The following SLC26A5 variants were observed in gnomAD, a reference collection of about 807,000 sequenced individuals.
The protein encoded by SLC26A5 is prestin.
A neutral mutation model predicts 81.0 loss-of-function variants in SLC26A5; 51 were observed. That is an observed-to-expected ratio of 0.63 (90% CI 0.50 to 0.80). SLC26A5 has a LOEUF of 0.80. Among genes scored for constraint, SLC26A5 ranks in the 30% least tolerant of loss-of-function variants. The pLI is 0.00. For synonymous variants in SLC26A5, 325 were observed against 332.8 expected (o/e 0.98, Z 0.25); for missense variants, 771 against 905.8 (o/e 0.85, Z 1.91).
Position 103,377,636 on chromosome 7 carries a change from T to C in SLC26A5, c.1949A>G (p.Asn650Ser). 6.2e-7 allele frequency: 1 copy of C among 1,614,080 alleles called. No individual in the cohort carries two copies. Among genetic ancestry groups the C allele is most frequent in the Non-Finnish European group, 8.5e-7 (1 of 1,179,998 alleles). ...TTTCACTCCAACAGAATCAATAAAA[T>C]TGACTTGAGTGAAATCCAAAATGAC... ...HTVILDFTQVNFIDSVGVKTL... is the reference protein window; with the variant it reads ...HTVILDFTQVSFIDSVGVKTL... Residue 650 changes from asparagine (N) to serine (S), a missense_variant, in exon 18 of 20, where the codon AAT becomes AGT. Transcript: ENST00000306312.
intron 19 of SLC26A5, among the ~76,000 whole-genome samples, chr7:103,353,248 T>G (rs1819827962): frequency 6.6e-6 from 1 of 152,176 alleles, no homozygotes; most frequent in African/African-American, 2.4e-5. Flanking sequence ...GAATAGCATT[T>G]GTTGGATTGC....
At chr7:103,368,541 A>T (rs1820843724) in intron 19 of SLC26A5, 1 of 152,454 alleles carries the variant, frequency 6.6e-6, no homozygotes, top group Admixed American at 6.5e-5. Context: ...GCGTATGACC[A>T]CATGCATTAT....
At chr7:103,402,110 G>A (rs1208423385) in intron 8 of SLC26A5, among the ~76,000 whole-genome samples, 1 of 152,088 alleles carries the variant, frequency 6.6e-6, no homozygotes, top group African/African-American at 2.4e-5. Flanking sequence ...TTTTTCTATT[G>A]TTTGGAATAG....
rs1019351878 is a variant in SLC26A5 at position 103,412,984 on chromosome 7, T to A, written c.403+18A>T. 2.0e-6 allele frequency: 3 copies of A among 1,484,358 alleles called. No individual in the cohort carries two copies. Among genetic ancestry groups the A allele is most frequent in the Non-Finnish European group, 2.8e-6 (3 of 1,062,130 alleles). The allele number at this position is 1,484,358 out of a possible 1,614,324, so 91.9% of individuals were successfully genotyped here. A position where few individuals can be genotyped will look rare whatever the true frequency, so the allele number is the denominator to read the frequency against. On this transcript the variant is annotated intron_variant, in intron 5 of 19. Transcript: ENST00000306312. ...ATACACAAGGAAAGGTAATAGAATA[T>A]CAAATGTAAGCTTTTACCTATGGAT...
At chr7:103,368,830 C>T (rs1249067589) in intron 19 of SLC26A5, 2 of 152,170 alleles carry the variant, frequency 1.3e-5, no homozygotes, top group Non-Finnish European at 2.9e-5. Context: ...TGATTACTTT[C>T]ATTTTACAAA....
intron 8 of SLC26A5, among the ~76,000 whole-genome samples, chr7:103,406,165 G>C (rs1246591324): frequency 6.6e-6 from 1 of 152,168 alleles, no homozygotes; most frequent in African/African-American, 2.4e-5. Context: ...CCTGCCTTTA[G>C]CCCCCTTTCC....
chr7:103,385,763 C>G (rs1460220004), intron 14 of SLC26A5, among the ~76,000 whole-genome samples: 11 of 137,658 alleles, frequency 8.0e-5, no homozygotes, highest in Non-Finnish European at 1.4e-4. Context: ...CGCAGGAGTG[C>G]CATCTCAGCT....
intron 2 of SLC26A5, 64 bp from the exon 3 acceptor site, chr7:103,421,631 A>G: frequency 1.8e-6 from 2 of 1,124,310 alleles, no homozygotes; most frequent in Non-Finnish European, 2.6e-6. Context: ...TTTCCTAAGC[A>G]TCTCTTCTTT....
intron 3 of SLC26A5, 143 bp from the exon 4 acceptor site, chr7:103,421,020 G>GTGATTCAAGAT: frequency 1.1e-6 from 1 of 886,314 alleles, no homozygotes; most frequent in South Asian, 1.5e-5. Context: ...TGCCAAACAG[G>GTGATTCAAGAT]GTAGGAGTCA....
At chr7:103,440,873 T>C (rs1011033419) in intron 2 of SLC26A5, among the ~76,000 whole-genome samples, 1 of 152,220 alleles carries the variant, frequency 6.6e-6, no homozygotes. Context: ...CAACCTAAGC[T>C]GTGATTTAGA....
chr7:103,414,404 TAGGCTC>T (rs1824751886), intron 4 of SLC26A5, among the ~76,000 whole-genome samples: 1 of 151,982 alleles, frequency 6.6e-6, no homozygotes, highest in Non-Finnish European at 1.5e-5. Context: ...CTTGAACTCC[TAGGCTC>T]AGGCGATCTG....
At chr7:103,366,278 C>A in intron 19 of SLC26A5, 1 of 893,488 alleles carries the variant, frequency 1.1e-6, no homozygotes, top group Non-Finnish European at 1.8e-6. Flanking sequence ...CTTCTATGAG[C>A]TCTGAAACAG....
intron 2 of SLC26A5, among the ~76,000 whole-genome samples, chr7:103,437,265 A>G (rs1826518499): frequency 6.6e-6 from 1 of 152,226 alleles, no homozygotes; most frequent in Non-Finnish European, 1.5e-5. Context: ...GGCCTTCATC[A>G]AAAAGATGAA....
intron 2 of SLC26A5, among the ~76,000 whole-genome samples, chr7:103,428,407 A>G (rs1825843369): frequency 6.6e-6 from 1 of 152,172 alleles, no homozygotes; most frequent in African/African-American, 2.4e-5. Context: ...GATATGACTG[A>G]CATACAAAAA....
chr7:103,361,387 G>A (rs1820393409), intron 19 of SLC26A5, among the ~76,000 whole-genome samples: 1 of 150,040 alleles, frequency 6.7e-6, no homozygotes, highest in African/African-American at 2.4e-5. Flanking sequence ...GTGCATGCCT[G>A]TAATCCCAGC....
Position 103,407,986 on chromosome 7 carries a change from C to CAACACAGCAACTGTACTCTGT in SLC26A5, c.736-4_752dup (p.Ser246_Gln252dup). 6.2e-7 allele frequency: 1 copy of CAACACAGCAACTGTACTCTGT among 1,614,138 alleles called. No homozygotes were observed. Among genetic ancestry groups the CAACACAGCAACTGTACTCTGT allele is most frequent in the South Asian group, 1.1e-5 (1 of 91,080 alleles). On this transcript the variant is annotated inframe_insertion, in exon 8 of 20. Coordinates refer to ENST00000306312, the MANE Select transcript of SLC26A5 (RefSeq NM_198999.3). ...ACACGTTGAGGTTTTTAACATTCTG[C>CAACACAGCAACTGTACTCTGT]AACACAGCAACTGTACTCTGTAACA...
At chr7:103,439,451 T>C (rs1044931549) in intron 2 of SLC26A5, among the ~76,000 whole-genome samples, 8 of 152,342 alleles carry the variant, frequency 5.3e-5, no homozygotes, top group Middle Eastern at 3.4e-3. Context: ...GCTCCTTTCC[T>C]TGCTGTGGTC....
At position 103,413,437 on chromosome 7, in the gene SLC26A5, G is replaced by A. The variant is rs557753931; in HGVS notation, c.293-325C>T. Among the ~76,000 whole-genome samples, 80 of 152,242 alleles carry A rather than the reference G, an allele frequency of 5.3e-4. 2 individuals carry two copies. Among genetic ancestry groups the A allele is most frequent in the African/African-American group, 1.6e-3 (66 of 41,538 alleles). ...GGTGTTGACTCACAAATGCGAGCTC[G>A]TTCTCCAATGGGGTGTTTTTGTGGG... is the stretch of plus-strand genomic sequence containing the variant. On this transcript the variant is annotated intron_variant, in intron 4 of 19. Transcript: ENST00000306312.
chr7:103,354,510 G>A (rs983556498), intron 19 of SLC26A5, among the ~76,000 whole-genome samples: 1 of 151,504 alleles, frequency 6.6e-6, no homozygotes, highest in African/African-American at 2.4e-5. Flanking sequence ...CTGGGATTAT[G>A]AGCGCCCACC....
Sources: allele counts gnomAD v4.1 joint callset (sites outside exome capture counted in the v4.1 genomes callset), GRCh38; gene constraint gnomAD v4.1.1; transcripts MANE v1.5; gene names NCBI Gene and HGNC (gene_info 2026-07-23, HGNC 2026-07-21).